The following TTC7A variants were observed in gnomAD, a reference collection of about 807,000 sequenced individuals.
TTC7A encodes the protein tetratricopeptide repeat domain 7A, also known as tetratricopeptide repeat protein 7A.
In TTC7A, 110 loss-of-function variants were observed where a neutral mutation model predicts 103.7. That is an observed-to-expected ratio of 1.06 (90% CI 0.91 to 1.24). TTC7A has a LOEUF of 1.24. TTC7A is among the 50% of genes most tolerant of loss of function. TTC7A has a pLI of 0.00. For missense variants in TTC7A, 1,340 were observed against 1,116.3 expected (o/e 1.20, Z -2.86); for synonymous variants, 521 against 467.9 (o/e 1.11, Z -1.47).
At chr2:46,969,662 C>T (rs572603510) in intron 3 of TTC7A, among the ~76,000 whole-genome samples, 17 of 152,136 alleles carry the variant, frequency 1.1e-4, no homozygotes, top group South Asian at 4.1e-4. Flanking sequence ...CCGTCCGCCT[C>T]GGCCTCCCAA....
intron 8 of TTC7A, among the ~76,000 whole-genome samples, chr2:47,004,184 G>A (rs967860022): frequency 5.3e-5 from 8 of 152,192 alleles, no homozygotes; most frequent in African/African-American, 1.2e-4. Context: ...ATGGGGGCAT[G>A]GGCAGCACTC....
intron 19 of TTC7A, among the ~76,000 whole-genome samples, chr2:47,071,721 A>C (rs1684740370): frequency 6.6e-6 from 1 of 152,164 alleles, no homozygotes. Flanking sequence ...AGTTACTGCA[A>C]ACCTCCGAAA....
At chr2:47,057,029 C>T (rs2462590) in intron 18 of TTC7A, among the ~76,000 whole-genome samples, 27,841 of 152,232 alleles carry the variant, frequency 0.18, 2,605 homozygotes, top group Middle Eastern at 0.21. Flanking sequence ...TCCTGGCAGC[C>T]ACGGCCAGGC....
At chr2:47,003,023 C>G (rs893162904) in intron 8 of TTC7A, among the ~76,000 whole-genome samples, 1 of 152,162 alleles carries the variant, frequency 6.6e-6, no homozygotes. Context: ...CTCCTCTCTT[C>G]TGTTCCTATT....
At chr2:46,966,755 G>C (rs904927722) in intron 3 of TTC7A, among the ~76,000 whole-genome samples, 1 of 147,126 alleles carries the variant, frequency 6.8e-6, no homozygotes. Flanking sequence ...CCCTCCCAAA[G>C]TGCTGGGATT....
chr2:46,922,157 AG>A (rs1173967676), intron 2 of TTC7A, among the ~76,000 whole-genome samples: 1 of 152,064 alleles, frequency 6.6e-6, no homozygotes, highest in East Asian at 1.9e-4. Flanking sequence ...CAACAACTTT[AG>A]TTACTTATAG....
At chr2:47,039,395 G>A (rs1681494162) in intron 15 of TTC7A, among the ~76,000 whole-genome samples, 1 of 152,186 alleles carries the variant, frequency 6.6e-6, no homozygotes, top group Non-Finnish European at 1.5e-5. Context: ...TCCCCCACCA[G>A]CAAGAGTGGT....
chr2:46,986,878 G>A (rs1018080733), intron 5 of TTC7A, among the ~76,000 whole-genome samples: 1 of 152,126 alleles, frequency 6.6e-6, no homozygotes, highest in Admixed American at 6.5e-5. Flanking sequence ...GACCCCAGAC[G>A]CTTTCCTTGG....
intron 18 of TTC7A, among the ~76,000 whole-genome samples, chr2:47,055,581 C>T (rs1683245957): frequency 6.6e-6 from 1 of 152,170 alleles, no homozygotes; most frequent in Non-Finnish European, 1.5e-5. Flanking sequence ...CCCATGACCC[C>T]CATGATCCCA....
chr2:46,995,792 G>A (rs1676117243), intron 8 of TTC7A, among the ~76,000 whole-genome samples: 2 of 152,242 alleles, frequency 1.3e-5, no homozygotes, highest in Non-Finnish European at 2.9e-5. Flanking sequence ...AGACACCAGA[G>A]ATGCCGCAGC....
At chr2:47,053,293 G>A (rs56139747) in intron 18 of TTC7A, among the ~76,000 whole-genome samples, 53 of 152,176 alleles carry the variant, frequency 3.5e-4, no homozygotes, top group Non-Finnish European at 5.3e-4. Flanking sequence ...GGTTCCCGTC[G>A]TCTTCTAAGA....
At chr2:47,034,818 G>A (rs1282021666) in intron 15 of TTC7A, among the ~76,000 whole-genome samples, 1 of 152,144 alleles carries the variant, frequency 6.6e-6, no homozygotes, top group East Asian at 1.9e-4. Context: ...GGTCCCGGGG[G>A]ACTTGGAAAG....
At chr2:46,921,923 G>C (rs941601399) in intron 2 of TTC7A, among the ~76,000 whole-genome samples, 1 of 152,216 alleles carries the variant, frequency 6.6e-6, no homozygotes, top group Non-Finnish European at 1.5e-5. Flanking sequence ...CGCCCACCCA[G>C]TGCTCACTTC....
chr2:47,041,425 G>A (rs920602433), intron 15 of TTC7A, among the ~76,000 whole-genome samples: 10 of 152,276 alleles, frequency 6.6e-5, no homozygotes, highest in African/African-American at 2.2e-4. Context: ...AGGCCGGGCT[G>A]GCTGCACACT....
At chr2:46,927,607 T>G (rs34491593) in intron 2 of TTC7A, among the ~76,000 whole-genome samples, 13,532 of 151,882 alleles carry the variant, frequency 0.089, 677 homozygotes, top group Middle Eastern at 0.12. Context: ...TGATCTGCTC[T>G]CCTCGGCCTC....
chr2:47,050,327 C>T (rs556742856), intron 17 of TTC7A: 9 of 467,708 alleles, frequency 1.9e-5, no homozygotes, highest in Admixed American at 3.3e-5. Context: ...GCACAGAAAC[C>T]GTTTCCCCTT....
At chr2:47,041,952 C>T (rs1268863216) in intron 15 of TTC7A, among the ~76,000 whole-genome samples, 1 of 151,972 alleles carries the variant, frequency 6.6e-6, no homozygotes, top group African/African-American at 2.4e-5. Flanking sequence ...TATACGTATG[C>T]ACAGAAGTCC....
rs375063813 is a variant in TTC7A at position 47,029,208 on chromosome 2, C to A, written c.1642-16C>A. The A allele has an allele frequency of 6.2e-7, 1 of 1,612,768 alleles. No individual in the cohort carries two copies. Among genetic ancestry groups the A allele is most frequent in the Non-Finnish European group, 8.5e-7 (1 of 1,179,654 alleles). On this transcript the variant is annotated splice_polypyrimidine_tract_variant and intron_variant, in intron 14 of 19. Coordinates refer to ENST00000319190, the MANE Select transcript of TTC7A (RefSeq NM_020458.4). ...ATGTGCCTGGGGAAGGCTAACCTGG[C>A]GGGTTCCTTCAACAGATCTCCAGTG...
intron 3 of TTC7A, among the ~76,000 whole-genome samples, chr2:46,964,960 G>T (rs1049652861): frequency 3.3e-5 from 5 of 152,160 alleles, no homozygotes; most frequent in African/African-American, 1.2e-4. Flanking sequence ...CAGCCTGGCC[G>T]GCTCGCGTTC....
Sources: allele counts gnomAD v4.1 joint callset (sites outside exome capture counted in the v4.1 genomes callset), GRCh38; gene constraint gnomAD v4.1.1; transcripts MANE v1.5; gene names NCBI Gene and HGNC (gene_info 2026-07-23, HGNC 2026-07-21).